The following CLDN8 variants were observed in gnomAD, a reference collection of about 807,000 sequenced individuals.
CLDN8 encodes the protein claudin-8.
Under a neutral mutation model 2.2 loss-of-function variants are expected in CLDN8, and 2 were observed. That is an observed-to-expected ratio of 0.90 (90% CI 0.37 to 2.82). CLDN8 has a LOEUF of 2.82. CLDN8 is among the 30% of genes most tolerant of loss of function. The probability of loss-of-function intolerance (pLI) is 0.10; values close to 1 mark genes in which losing one functional copy is unlikely to be tolerated. For synonymous variants in CLDN8, 107 were observed against 104.8 expected (o/e 1.02, Z -0.13); for missense variants, 314 against 280.5 (o/e 1.12, Z -0.85).
At position 30,215,351 on chromosome 21, in the gene CLDN8, C is replaced by T. The variant is rs754154573; in HGVS notation, c.575G>A (p.Ser192Asn). Residue 192 changes from serine to asparagine, a missense_variant, in exon 1 of 1, where the codon AGC (serine) becomes AAC (asparagine). Ser to Asn is a conservative substitution (Grantham distance 46). Transcript: ENST00000399899. Reference protein sequence around the residue: ...FCCVFCCNEKSSSYRYSIPSH... With the variant: ...FCCVFCCNEKNSSYRYSIPSH... ...AGGTATCGAGTATCTGTAGCTACTG[C>T]TCTTTTCGTTGCAACAAAAAACGCA... The T allele has an allele frequency of 1.9e-6, 3 of 1,614,136 alleles. No homozygotes were observed. In the East Asian group the frequency reaches 6.7e-5, roughly 36 times the overall value.
rs1000108779 is a variant in CLDN8, at chr21:30,214,467, A to G, written c.*781T>C. ...AAAACAAAAATATTTTCACTTTCCT[A>G]AAACCATCACTTTTTCTTAGATCAC... is the stretch of plus-strand genomic sequence containing the variant. On this transcript the variant is annotated 3_prime_UTR_variant, in exon 1 of 1. Coordinates refer to ENST00000399899, the MANE Select transcript of CLDN8 (RefSeq NM_199328.3). 11 of 152,122 alleles carry G rather than the reference A, an allele frequency of 7.2e-5. No homozygotes were observed. Among genetic ancestry groups the G allele is most frequent in the African/African-American group, 2.4e-4 (10 of 41,440 alleles). 9.4% of individuals were successfully genotyped at this position (152,122 alleles called of 1,614,324 possible). A position where few individuals can be genotyped will look rare whatever the true frequency, so the allele number is the denominator to read the frequency against.
rs1978973287 is a variant in CLDN8, at chr21:30,215,990, T to C, written c.-65A>G. ...CTGCTACTTCTGCTTTGAAGCAGGG[T>C]TCTCTGTGCCACAGAAGAGAACAGT... On this transcript the variant is annotated 5_prime_UTR_variant, in exon 1 of 1. Coordinates refer to ENST00000399899, the MANE Select transcript of CLDN8 (RefSeq NM_199328.3). The C allele has an allele frequency of 7.1e-7, 1 of 1,406,184 alleles. No homozygotes were observed. The highest frequency in any genetic ancestry group is 1.4e-5 in the African/African-American group (1 of 69,492). The allele number at this position is 1,406,184 out of a possible 1,614,324, so 87.1% of individuals were successfully genotyped here.
chr21:30,215,215 G>C lies in CLDN8; in HGVS notation c.*33C>G. The C allele has an allele frequency of 6.4e-7, 1 of 1,569,602 alleles. No individual in the cohort carries two copies. Among genetic ancestry groups the C allele is most frequent in the Non-Finnish European group, 8.7e-7 (1 of 1,147,424 alleles). ...TAATATAGATTTTTGTCATTTGCAT[G>C]GCTTTATAGTAAAGTTAAAAAAACA... is the stretch of plus-strand genomic sequence containing the variant. On this transcript the variant is annotated 3_prime_UTR_variant, in exon 1 of 1. Coordinates refer to ENST00000399899, the MANE Select transcript of CLDN8 (RefSeq NM_199328.3).
rs571969620 is a variant in CLDN8, at chr21:30,216,072, C to A, written c.-147G>T. 183 of 714,616 alleles carry A rather than the reference C, an allele frequency of 2.6e-4. No individual in the cohort carries two copies. In the African/African-American group the frequency reaches 3.2e-3, roughly 12 times the overall value. The allele number at this position is 714,616 out of a possible 1,614,324, so 44.3% of individuals were successfully genotyped here. On this transcript the variant is annotated 5_prime_UTR_variant, in exon 1 of 1. Coordinates refer to ENST00000399899, the MANE Select transcript of CLDN8 (RefSeq NM_199328.3). Reference sequence around the variant, plus strand: ...GGTTTTTCAAATAAGAGCTGCTTTGCTACTTCTGGCCAGATAGTATCCAGT... The same window carrying A: ...GGTTTTTCAAATAAGAGCTGCTTTGATACTTCTGGCCAGATAGTATCCAGT...
At position 30,214,150 on chromosome 21, in the gene CLDN8, GT is replaced by G. The variant is rs1282402326; in HGVS notation, c.*1097del. On this transcript the variant is annotated 3_prime_UTR_variant, in exon 1 of 1. Coordinates refer to ENST00000399899, the MANE Select transcript of CLDN8 (RefSeq NM_199328.3). ...AATTTGGAATAAACAGAAAAATACA[GT>G]ATTTACAGATTTTAGTAAAACTAAA... 1.1e-4 allele frequency: 16 copies of G among 152,106 alleles called. No homozygotes were observed. The highest frequency in any genetic ancestry group is 3.6e-4 in the African/African-American group (15 of 41,440). The allele number at this position is 152,106 out of a possible 1,614,324, so 9.4% of individuals were successfully genotyped here. A position where few individuals can be genotyped will look rare whatever the true frequency, so the allele number is the denominator to read the frequency against.
In CLDN8 at chr21:30,215,651, A is replaced by G; in HGVS notation, c.275T>C (p.Phe92Ser). ...AAGGATGGCCATCATGAAAGCCAAGAAGGACATCACGGAAGCAGCACACAT... is the reference window on the plus strand; with the variant it reads ...AAGGATGGCCATCATGAAAGCCAAGGAGGACATCACGGAAGCAGCACACAT... Reference protein sequence around the residue: ...GLMCAASVMSFLAFMMAILGM... With the variant: ...GLMCAASVMSSLAFMMAILGM... The change falls in exon 1 of 1, where the codon TTC becomes TCC. Residue 92 changes from phenylalanine to serine, a missense_variant. Phe to Ser is a radical substitution (Grantham distance 155). Coordinates refer to ENST00000399899, the MANE Select transcript of CLDN8 (RefSeq NM_199328.3). The G allele has an allele frequency of 6.2e-7, 1 of 1,614,078 alleles. No individual in the cohort carries two copies. The highest frequency in any genetic ancestry group is 8.5e-7 in the Non-Finnish European group (1 of 1,179,998).
chr21:30,215,087 AT>A lies in CLDN8; in HGVS notation c.*160del, dbSNP rs1158631612. The A allele has an allele frequency of 1.2e-5, 7 of 607,314 alleles. No individual in the cohort carries two copies. In the African/African-American group the frequency reaches 1.3e-4, roughly 11 times the overall value. The allele number at this position is 607,314 out of a possible 1,614,324, so 37.6% of individuals were successfully genotyped here. ...GGGTTTAATATCTCATTCTGCTGAAATAGCTTATAGAATCATAAATAGCTGA... is the reference window on the plus strand; with the variant it reads ...GGGTTTAATATCTCATTCTGCTGAAAAGCTTATAGAATCATAAATAGCTGA... On this transcript the variant is annotated 3_prime_UTR_variant, in exon 1 of 1. Coordinates refer to ENST00000399899, the MANE Select transcript of CLDN8 (RefSeq NM_199328.3).
In CLDN8 at chr21:30,216,041, C is replaced by A. The variant is rs1054418544; in HGVS notation, c.-116G>T. 1.1e-4 allele frequency: 106 copies of A among 937,158 alleles called. No individual in the cohort carries two copies. Among genetic ancestry groups the A allele is most frequent in the Middle Eastern group, 5.7e-4 (2 of 3,522 alleles). 58.1% of individuals were successfully genotyped at this position (937,158 alleles called of 1,614,324 possible). A position where few individuals can be genotyped will look rare whatever the true frequency, so the allele number is the denominator to read the frequency against. On this transcript the variant is annotated 5_prime_UTR_variant, in exon 1 of 1. Coordinates refer to ENST00000399899, the MANE Select transcript of CLDN8 (RefSeq NM_199328.3). ...TTTTCCTGTAGTAATGAACTCGGAA[C>A]CCAGTGGTTTTTCAAATAAGAGCTG...
rs766105942 is a variant in CLDN8 at position 30,215,965 on chromosome 21, C to T, written c.-40G>A. On this transcript the variant is annotated 5_prime_UTR_variant, in exon 1 of 1. Coordinates refer to ENST00000399899, the MANE Select transcript of CLDN8 (RefSeq NM_199328.3). ...AGTTTTAGCCAGCTGGACTCCGGAA[C>T]TGCTACTTCTGCTTTGAAGCAGGGT... 1.3e-6 allele frequency: 2 copies of T among 1,513,306 alleles called. No homozygotes were observed. The highest frequency in any genetic ancestry group is 1.3e-5 in the South Asian group (1 of 78,964). The allele number at this position is 1,513,306 out of a possible 1,614,324, so 93.7% of individuals were successfully genotyped here.
chr21:30,215,293 G>A lies in CLDN8; in HGVS notation c.633C>T (p.Thr211=), dbSNP rs200705375. ...AGTAGACGCTCGGTGACTTCTTTCC[G>A]GTGTGATAACTTTTTTGGGTTGTGC... ...SHRTTQKSYH[T]GKKSPSVYSR... The change falls in exon 1 of 1, where the codon ACC becomes ACT. Residue 211 remains threonine, a synonymous_variant. Transcript: ENST00000399899. 13 of 1,613,446 alleles carry A rather than the reference G, an allele frequency of 8.1e-6. No individual in the cohort carries two copies. The highest frequency in any genetic ancestry group is 2.7e-5 in the African/African-American group (2 of 74,690).
In CLDN8 at chr21:30,215,744, C is replaced by T; in HGVS notation, c.182G>A (p.Arg61Lys). Residue 61 changes from arginine to lysine, a missense_variant, in exon 1 of 1, where the codon AGG (arginine) becomes AAG (lysine). Coordinates refer to ENST00000399899, the MANE Select transcript of CLDN8 (RefSeq NM_199328.3). ...GGAATCATAGATTTTGCACTGCATC[C>T]TGATGTTAGCCTGCCTCACGCAATT... ...WMNCVRQANI[R>K]MQCKIYDSLL... 1 of 1,614,084 alleles carries T rather than the reference C, an allele frequency of 6.2e-7. No homozygotes were observed. The highest frequency in any genetic ancestry group is 8.5e-7 in the Non-Finnish European group (1 of 1,180,010).
rs1207438653 is a variant in CLDN8 at position 30,215,326 on chromosome 21, A to C, written c.600T>G (p.Pro200=). 6.2e-7 allele frequency: 1 copy of C among 1,614,198 alleles called. No homozygotes were observed. The highest frequency in any genetic ancestry group is 8.5e-7 in the Non-Finnish European group (1 of 1,180,026). The change falls in exon 1 of 1, where the codon CCT becomes CCG. Residue 200 remains proline (P), a synonymous_variant. Transcript: ENST00000399899. ...EKSSSYRYSI[P]SHRTTQKSYH... ...AACTTTTTTGGGTTGTGCGATGGGAAGGTATCGAGTATCTGTAGCTACTGC... is the reference window on the plus strand; with the variant it reads ...AACTTTTTTGGGTTGTGCGATGGGACGGTATCGAGTATCTGTAGCTACTGC...
rs539444049 is a variant in CLDN8 at position 30,214,428 on chromosome 21, C to T, written c.*820G>A. On this transcript the variant is annotated 3_prime_UTR_variant, in exon 1 of 1. Coordinates refer to ENST00000399899, the MANE Select transcript of CLDN8 (RefSeq NM_199328.3). ...TGATTTCTTGTCAAAATGCATCATT[C>T]TTCTTCAAATACAAAAACAAAAATA... is the stretch of plus-strand genomic sequence containing the variant. The T allele has an allele frequency of 2.0e-5, 3 of 152,140 alleles. No individual in the cohort carries two copies. Among genetic ancestry groups the T allele is most frequent in the South Asian group, 2.1e-4 (1 of 4,824 alleles). The allele number at this position is 152,140 out of a possible 1,614,324, so 9.4% of individuals were successfully genotyped here. A position where few individuals can be genotyped will look rare whatever the true frequency, so the allele number is the denominator to read the frequency against.
At position 30,214,716 on chromosome 21, in the gene CLDN8, A is replaced by G. The variant is rs1180893944; in HGVS notation, c.*532T>C. On this transcript the variant is annotated 3_prime_UTR_variant, in exon 1 of 1. Coordinates refer to ENST00000399899, the MANE Select transcript of CLDN8 (RefSeq NM_199328.3). ...AATGCTGATTAAAGCCTTCATTTTA[A>G]TCTTCATTATAAATGGAGGACATTA... 1 of 152,888 alleles carries G rather than the reference A, an allele frequency of 6.5e-6. No homozygotes were observed. Among genetic ancestry groups the G allele is most frequent in the African/African-American group, 2.4e-5 (1 of 41,476 alleles). The allele number at this position is 152,888 out of a possible 1,614,324, so 9.5% of individuals were successfully genotyped here. A position where few individuals can be genotyped will look rare whatever the true frequency, so the allele number is the denominator to read the frequency against.
rs1342315228 is a variant in CLDN8 at position 30,214,094 on chromosome 21, A to G, written c.*1154T>C. 1.3e-5 allele frequency: 2 copies of G among 152,176 alleles called. No homozygotes were observed. The highest frequency in any genetic ancestry group is 1.3e-4 in the Admixed American group (2 of 15,272). 9.4% of individuals were successfully genotyped at this position (152,176 alleles called of 1,614,324 possible). On this transcript the variant is annotated 3_prime_UTR_variant, in exon 1 of 1. Coordinates refer to ENST00000399899, the MANE Select transcript of CLDN8 (RefSeq NM_199328.3). ...ATTTAAGCTAGACAGACGTCGACACAAACTTTCAAATTGGATTGTCAGTTT... is the reference window on the plus strand; with the variant it reads ...ATTTAAGCTAGACAGACGTCGACACGAACTTTCAAATTGGATTGTCAGTTT...
In CLDN8 at chr21:30,215,752, A is replaced by G. The variant is rs1455933252; in HGVS notation, c.174T>C (p.Ala58=). The change falls in exon 1 of 1, where the codon GCT becomes GCC. Residue 58 remains alanine (A), a synonymous_variant. Coordinates refer to ENST00000399899, the MANE Select transcript of CLDN8 (RefSeq NM_199328.3). ...EGLWMNCVRQ[A]NIRMQCKIYD... is the part of the protein sequence containing the mutation. ...AGATTTTGCACTGCATCCTGATGTT[A>G]GCCTGCCTCACGCAATTCATCCACA... 2.5e-6 allele frequency: 4 copies of G among 1,614,016 alleles called. No homozygotes were observed. The African/African-American group carries it at 4.0e-5, about 16-fold the overall frequency.
Position 30,215,737 on chromosome 21 carries a change from C to G in CLDN8, c.189G>C (p.Gln63His), listed in dbSNP as rs1978957284. 6.2e-7 allele frequency: 1 copy of G among 1,614,000 alleles called. No individual in the cohort carries two copies. Among genetic ancestry groups the G allele is most frequent in the South Asian group, 1.1e-5 (1 of 91,084 alleles). Reference sequence around the variant, plus strand: ...CCAGCAGGGAATCATAGATTTTGCACTGCATCCTGATGTTAGCCTGCCTCA... The same window carrying G: ...CCAGCAGGGAATCATAGATTTTGCAGTGCATCCTGATGTTAGCCTGCCTCA... ...NCVRQANIRM[Q>H]CKIYDSLLAL... The change falls in exon 1 of 1, where the codon CAG becomes CAC. Residue 63 changes from glutamine to histidine, a missense_variant. Gln to His is a conservative substitution (Grantham distance 24). Coordinates refer to ENST00000399899, the MANE Select transcript of CLDN8 (RefSeq NM_199328.3).
rs1158680003 is a variant in CLDN8 at position 30,215,695 on chromosome 21, T to A, written c.231A>T (p.Leu77=). ...YDSLLALSPD[L]QAARGLMCAA... The stretch of plus-strand genomic sequence containing the variant: ...CACACATCAGTCCTCTGGCTGCCTG[T>A]AGGTCCGGAGAAAGAGCCAGCAGGG... Residue 77 remains leucine (L), a synonymous_variant, in exon 1 of 1, where the codon CTA becomes CTT. Coordinates refer to ENST00000399899, the MANE Select transcript of CLDN8 (RefSeq NM_199328.3). The A allele has an allele frequency of 1.9e-6, 3 of 1,614,048 alleles. No individual in the cohort carries two copies. The highest frequency in any genetic ancestry group is 2.5e-6 in the Non-Finnish European group (3 of 1,180,030).
chr21:30,214,412 G>A lies in CLDN8; in HGVS notation c.*836C>T, dbSNP rs1412116770. On this transcript the variant is annotated 3_prime_UTR_variant, in exon 1 of 1. Coordinates refer to ENST00000399899, the MANE Select transcript of CLDN8 (RefSeq NM_199328.3). ...TATATCCATACATATATGATTTCTT[G>A]TCAAAATGCATCATTCTTCTTCAAA... The A allele has an allele frequency of 6.6e-6, 1 of 151,916 alleles. No homozygotes were observed. The highest frequency in any genetic ancestry group is 1.5e-5 in the Non-Finnish European group (1 of 67,958). The allele number at this position is 151,916 out of a possible 1,614,324, so 9.4% of individuals were successfully genotyped here. A position where few individuals can be genotyped will look rare whatever the true frequency, so the allele number is the denominator to read the frequency against.
Sources: gnomAD v4.1 joint callset for allele counts on GRCh38, gnomAD v4.1.1 for gene constraint, MANE v1.5 for transcripts, NCBI Gene and HGNC (gene_info 2026-07-23, HGNC 2026-07-21) for gene names.